The following RABGAP1L variants were observed in gnomAD, a reference collection of about 807,000 sequenced individuals.
RABGAP1L encodes RAB GTPase activating protein 1 like.
A neutral mutation model predicts 137.7 loss-of-function variants in RABGAP1L; 63 were observed. The ratio of observed to expected loss-of-function variants is 0.46; its 90% CI spans 0.37 to 0.56. The LOEUF is 0.56. Among genes scored for constraint, RABGAP1L ranks in the 20% least tolerant of loss-of-function variants. RABGAP1L has a pLI of 0.00. For missense variants in RABGAP1L, 1,095 were observed against 1,244.0 expected (o/e 0.88, Z 1.80); for synonymous variants, 431 against 433.7 (o/e 0.99, Z 0.08).
In RABGAP1L at chr1:174,761,254, T is replaced by G. The variant is rs1685195304; in HGVS notation, c.2211+8900T>G. 6.6e-6 allele frequency among the ~76,000 whole-genome samples: 1 copy of G among 152,096 alleles called. No individual in the cohort carries two copies. ...TATTTTTTAATTTAAAAGTAAACTTTAATGTCAAAAATGCAAACTTGAGGA... is the reference window on the plus strand; with the variant it reads ...TATTTTTTAATTTAAAAGTAAACTTGAATGTCAAAAATGCAAACTTGAGGA... On this transcript the variant is annotated intron_variant, in intron 18 of 25. Transcript: ENST00000681986. This position sits in a 1 kb window ranked among gnomAD's most constrained non-coding sequence, Gnocchi z 4.0.
chr1:174,957,446 A>C lies in RABGAP1L; in HGVS notation c.2341-11A>C, dbSNP rs372584520. The stretch of plus-strand genomic sequence containing the variant: ...TCCTTGTCTAACATGGTTTTCCTCA[A>C]ATCCCTGCAGGTACCAACCAAGAAG... On this transcript the variant is annotated splice_polypyrimidine_tract_variant and intron_variant, in intron 19 of 25. Coordinates refer to ENST00000681986, the MANE Select transcript of RABGAP1L (RefSeq NM_001366446.1). The C allele has an allele frequency of 2.5e-6, 4 of 1,606,038 alleles. No homozygotes were observed. In the African/African-American group the frequency reaches 4.0e-5, roughly 16 times the overall value.
rs188762691 is a variant in RABGAP1L, at chr1:174,556,274, G to A, written c.1711-81101G>A. Among the ~76,000 whole-genome samples the A allele has an allele frequency of 3.8e-3, 586 of 152,212 alleles. 6 individuals carry two copies. Among genetic ancestry groups the A allele is most frequent in the African/African-American group, 0.014 (567 of 41,534 alleles). ...GCTCCACAAAGTGCTGGGATTACAGGCGTGAGCCACCACTCCTGGCCTCTT... is the reference window on the plus strand; with the variant it reads ...GCTCCACAAAGTGCTGGGATTACAGACGTGAGCCACCACTCCTGGCCTCTT... On this transcript the variant is annotated intron_variant, in intron 13 of 25. Transcript: ENST00000681986.
chr1:174,373,996 A>G (rs566783938), intron 12 of RABGAP1L, among the ~76,000 whole-genome samples: 1 of 152,238 alleles, frequency 6.6e-6, no homozygotes, highest in East Asian at 1.9e-4. Flanking sequence ...ATGTTTTTAG[A>G]TAGAGATTTA....
At chr1:174,603,724 C>T (rs1670583346) in intron 13 of RABGAP1L, among the ~76,000 whole-genome samples, 1 of 151,966 alleles carries the variant, frequency 6.6e-6, no homozygotes, top group African/African-American at 2.4e-5. Flanking sequence ...CAACTACCGC[C>T]TGGTTACAAC....
chr1:174,849,002 C>A (rs1229860222), intron 19 of RABGAP1L, among the ~76,000 whole-genome samples: 1 of 152,092 alleles, frequency 6.6e-6, no homozygotes, highest in Non-Finnish European at 1.5e-5. Flanking sequence ...CAGGTGCGTC[C>A]GTCACCGCTT....
intron 14 of RABGAP1L, among the ~76,000 whole-genome samples, chr1:174,662,329 C>T (rs1676448969): frequency 2.0e-5 from 3 of 152,098 alleles, no homozygotes; most frequent in Admixed American, 1.3e-4. Context: ...ATCTTGAACT[C>T]CTGACCTCAA....
chr1:174,484,156 A>G (rs141905428), intron 13 of RABGAP1L, among the ~76,000 whole-genome samples: 61 of 152,260 alleles, frequency 4.0e-4, no homozygotes, highest in Middle Eastern at 3.4e-3. Context: ...ATGATCAGTG[A>G]TATTGATTAC....
chr1:174,374,647 T>A (rs1419293394), intron 12 of RABGAP1L, among the ~76,000 whole-genome samples: 3 of 152,208 alleles, frequency 2.0e-5, no homozygotes, highest in Non-Finnish European at 4.4e-5. Flanking sequence ...GAATATAATT[T>A]AATGGGAAAA....
chr1:174,463,848 G>T (rs1426999144), intron 13 of RABGAP1L, among the ~76,000 whole-genome samples: 1 of 151,942 alleles, frequency 6.6e-6, no homozygotes, highest in East Asian at 1.9e-4. Flanking sequence ...TGAGGTTGCA[G>T]AGAAAAGGGA....
At chr1:174,185,487 T>C (rs1226663044) in intron 1 of RABGAP1L, among the ~76,000 whole-genome samples, 1 of 152,240 alleles carries the variant, frequency 6.6e-6, no homozygotes, top group East Asian at 1.9e-4. Flanking sequence ...CTTGAAATTT[T>C]CTCCTTTATT....
chr1:174,889,193 G>A (rs1288337419), intron 19 of RABGAP1L, among the ~76,000 whole-genome samples: 4 of 150,104 alleles, frequency 2.7e-5, no homozygotes, highest in Non-Finnish European at 5.9e-5. Flanking sequence ...GCATGATCTC[G>A]GCTCACTTCA....
At chr1:174,273,113 T>C (rs1674690327) in intron 8 of RABGAP1L, among the ~76,000 whole-genome samples, 1 of 152,060 alleles carries the variant, frequency 6.6e-6, no homozygotes, top group Admixed American at 6.6e-5. Context: ...ATAATCATCT[T>C]AGAGTAAGTA....
intron 18 of RABGAP1L, among the ~76,000 whole-genome samples, chr1:174,791,821 A>G (rs572502051): frequency 1.3e-5 from 2 of 152,204 alleles, no homozygotes; most frequent in African/African-American, 2.4e-5. Context: ...AGTGCTTATC[A>G]GTTAAAAATT....
chr1:174,237,178 TG>T (rs1558057598), intron 4 of RABGAP1L, among the ~76,000 whole-genome samples: 1 of 151,358 alleles, frequency 6.6e-6, no homozygotes, highest in Admixed American at 6.6e-5. Context: ...GCACGTGAGA[TG>T]GGTTTCCTGA....
intron 19 of RABGAP1L, among the ~76,000 whole-genome samples, chr1:174,911,862 C>T (rs1042945558): frequency 1.3e-5 from 2 of 152,188 alleles, no homozygotes; most frequent in African/African-American, 4.8e-5. Context: ...AAACAGATGA[C>T]TGTGTTCTGT....
intron 19 of RABGAP1L, among the ~76,000 whole-genome samples, chr1:174,871,715 TTTGA>T (rs1261388280): frequency 6.6e-6 from 1 of 152,198 alleles, no homozygotes; most frequent in Admixed American, 6.5e-5. Flanking sequence ...TTTCATTTCA[TTTGA>T]TTGTTAGTGA....
At chr1:174,974,744 A>G (rs1025924809) in intron 21 of RABGAP1L, among the ~76,000 whole-genome samples, 2 of 152,244 alleles carry the variant, frequency 1.3e-5, no homozygotes, top group Admixed American at 6.5e-5. Context: ...AGACAGGGCA[A>G]GCAGAGCAGC....
intron 14 of RABGAP1L, among the ~76,000 whole-genome samples, chr1:174,642,997 C>T (rs1388561282): frequency 1.3e-5 from 2 of 152,054 alleles, no homozygotes; most frequent in Admixed American, 1.3e-4. Flanking sequence ...GTCAATCAGG[C>T]TGCTCTTGAA....
chr1:174,815,453 T>A (rs776714880), intron 19 of RABGAP1L, among the ~76,000 whole-genome samples: 1 of 152,248 alleles, frequency 6.6e-6, no homozygotes, highest in African/African-American at 2.4e-5. Context: ...TAAACATTTT[T>A]AAATTATTTT....
Sources: gnomAD v4.1 joint callset for allele counts (sites outside exome capture counted in the v4.1 genomes callset) on GRCh38, gnomAD v4.1.1 for gene constraint, Gnocchi (gnomAD v3.1) non-coding constraint, MANE v1.5 for transcripts, NCBI Gene and HGNC (gene_info 2026-07-23, HGNC 2026-07-21) for gene names.